Variants in LRP1B observed in about 807,000 individuals in gnomAD.
LRP1B encodes low-density lipoprotein receptor-related protein 1B.
LRP1B carries 217 observed loss-of-function variants against 556.6 expected under a neutral mutation model. The ratio of observed to expected loss-of-function variants is 0.39; its 90% CI spans 0.35 to 0.44. The LOEUF (loss-of-function observed/expected upper bound fraction) is 0.44. Ranked by LOEUF, LRP1B falls within the 20% of genes least tolerant of loss-of-function variation. LRP1B has a pLI of 1.00. For missense variants in LRP1B, 5,053 were observed against 5,620.8 expected (o/e 0.90, Z 3.23); for synonymous variants, 2,047 against 1,865.8 (o/e 1.10, Z -2.50).
chr2:140,324,127 A>G (rs1680322687), intron 80 of LRP1B, 61 bp from the exon 81 acceptor site: 1 of 1,026,252 alleles, frequency 9.7e-7, no homozygotes, highest in Non-Finnish European at 1.5e-6. Context: ...TTTAAAAACT[A>G]TGTTTATCCA....
At chr2:142,122,005 T>C (rs889504282) in intron 1 of LRP1B, among the ~76,000 whole-genome samples, 2 of 152,154 alleles carry the variant, frequency 1.3e-5, no homozygotes, top group African/African-American at 4.8e-5. Context: ...AAATAATAGG[T>C]ATTTATGTAA....
chr2:141,104,147 T>C (rs1326356351), intron 7 of LRP1B, among the ~76,000 whole-genome samples: 1 of 152,090 alleles, frequency 6.6e-6, no homozygotes, highest in Non-Finnish European at 1.5e-5. Flanking sequence ...CTGATATCCA[T>C]GTGTGCTAAA....
intron 2 of LRP1B, among the ~76,000 whole-genome samples, chr2:141,749,553 C>G (rs976363293): frequency 3.3e-5 from 5 of 152,034 alleles, no homozygotes; most frequent in Non-Finnish European, 5.9e-5. Context: ...TACCATTACA[C>G]AAAAATGGGG....
intron 29 of LRP1B, among the ~76,000 whole-genome samples, chr2:140,848,714 G>A (rs145235081): frequency 8.5e-5 from 13 of 152,216 alleles, no homozygotes; most frequent in East Asian, 3.9e-4. Flanking sequence ...GAGAAACTGC[G>A]TCTTTGGATA....
In LRP1B at chr2:140,619,608, T is replaced by G. The variant is rs141535556; in HGVS notation, c.6800-17969A>C. Among the ~76,000 whole-genome samples, 434 of 152,288 alleles carry G rather than the reference T, an allele frequency of 2.8e-3. 2 individuals carry two copies. Among genetic ancestry groups the G allele is most frequent in the Non-Finnish European group, 4.5e-3 (305 of 68,008 alleles). On this transcript the variant is annotated intron_variant, in intron 41 of 90. Coordinates refer to ENST00000389484, the MANE Select transcript of LRP1B (RefSeq NM_018557.3). The stretch of plus-strand genomic sequence containing the variant: ...CCCGTATAACCTTGTTTCTCATTTA[T>G]AAAATGGCATTAATAACCAGCAGTT...
chr2:140,584,102 T>A (rs939040434), intron 43 of LRP1B, among the ~76,000 whole-genome samples: 3 of 152,078 alleles, frequency 2.0e-5, no homozygotes, highest in African/African-American at 7.2e-5. Context: ...CACAGGGAAA[T>A]ATTGCCTCAA....
At chr2:140,889,321 A>T (rs1693731533) in intron 23 of LRP1B, among the ~76,000 whole-genome samples, 1 of 152,142 alleles carries the variant, frequency 6.6e-6, no homozygotes, top group South Asian at 2.1e-4. Flanking sequence ...TTTGAGACAG[A>T]GTCTCACTCT....
chr2:141,076,950 T>C (rs1699802623), intron 7 of LRP1B, among the ~76,000 whole-genome samples: 1 of 152,146 alleles, frequency 6.6e-6, no homozygotes. Context: ...TCAAAGAATT[T>C]AAAATAGTAG....
chr2:140,953,026 A>T (rs1695764430), intron 18 of LRP1B, among the ~76,000 whole-genome samples: 1 of 152,184 alleles, frequency 6.6e-6, no homozygotes, highest in South Asian at 2.1e-4. Context: ...CTATCAGTTT[A>T]ATTACATAAA....
chr2:140,801,277 A>G (rs1353311722), intron 32 of LRP1B, among the ~76,000 whole-genome samples: 6 of 152,214 alleles, frequency 3.9e-5, no homozygotes, highest in Non-Finnish European at 8.8e-5. Context: ...AAGATCGCCA[A>G]TCACACTGGG....
At chr2:141,194,033 A>G (rs1482494376) in intron 6 of LRP1B, among the ~76,000 whole-genome samples, 3 of 152,126 alleles carry the variant, frequency 2.0e-5, no homozygotes, top group Non-Finnish European at 2.9e-5. Flanking sequence ...AGAAAAGATA[A>G]CTGCAAAGTT....
At chr2:140,716,342 C>T (rs936385996) in intron 36 of LRP1B, among the ~76,000 whole-genome samples, 8 of 152,004 alleles carry the variant, frequency 5.3e-5, no homozygotes, top group South Asian at 4.1e-4. Context: ...CATGGTAAAA[C>T]GAAGTTGAAA....
chr2:141,111,767 C>T (rs966307314), intron 7 of LRP1B, among the ~76,000 whole-genome samples: 19 of 152,216 alleles, frequency 1.2e-4, no homozygotes, highest in African/African-American at 4.3e-4. Flanking sequence ...AAATTCTACT[C>T]CAGCCGGTAG....
intron 7 of LRP1B, among the ~76,000 whole-genome samples, chr2:141,081,557 A>G (rs1374204837): frequency 6.6e-6 from 1 of 152,226 alleles, no homozygotes; most frequent in East Asian, 1.9e-4. Flanking sequence ...TTATATATAC[A>G]GGTTTCAAGG....
At chr2:140,546,719 A>G (rs1680354072) in intron 43 of LRP1B, among the ~76,000 whole-genome samples, 1 of 151,966 alleles carries the variant, frequency 6.6e-6, no homozygotes, top group South Asian at 2.1e-4. Context: ...ACACAGCCAA[A>G]CCATATCACT....
At chr2:140,769,102 CTTAT>C in intron 35 of LRP1B, 107 bp downstream of exon 35, 1 of 989,928 alleles carries the variant, frequency 1.0e-6, no homozygotes. Context: ...TTGCTGCTTT[CTTAT>C]TTCTCATCTT....
intron 43 of LRP1B, among the ~76,000 whole-genome samples, chr2:140,567,769 A>G (rs947344346): frequency 4.6e-5 from 7 of 151,956 alleles, no homozygotes; most frequent in Non-Finnish European, 1.0e-4. Context: ...CTCCATCAAA[A>G]CCCATTGCCA....
At chr2:140,620,585 A>T (rs1224447786) in intron 41 of LRP1B, among the ~76,000 whole-genome samples, 1 of 152,140 alleles carries the variant, frequency 6.6e-6, no homozygotes, top group Non-Finnish European at 1.5e-5. Flanking sequence ...AAATATGCTT[A>T]AGTTTTTCTG....
chr2:141,092,804 G>C (rs1922691), intron 7 of LRP1B, among the ~76,000 whole-genome samples: 2 of 152,036 alleles, frequency 1.3e-5, no homozygotes, highest in South Asian at 4.1e-4. Flanking sequence ...TCAAGCGTTC[G>C]AGATGTGAAA....
Sources: gnomAD v4.1 joint callset for allele counts (sites outside exome capture counted in the v4.1 genomes callset) on GRCh38, gnomAD v4.1.1 for gene constraint, MANE v1.5 for transcripts, NCBI Gene and HGNC (gene_info 2026-07-23, HGNC 2026-07-21) for gene names.